The following DAB1 variants were observed in gnomAD, a reference collection of about 807,000 sequenced individuals.
DAB1 encodes disabled homolog 1.
A neutral mutation model predicts 64.6 loss-of-function variants in DAB1; 15 were observed. That is an observed-to-expected ratio of 0.23 (90% CI 0.16 to 0.36). The LOEUF (loss-of-function observed/expected upper bound fraction) is 0.36, where lower values mean the gene tolerates loss of function less well. Among genes scored for constraint, DAB1 ranks in the 10% least tolerant of loss-of-function variants. The pLI, the probability that DAB1 is intolerant of heterozygous loss-of-function variation, is 1.00. For missense variants in DAB1, 596 were observed against 706.7 expected (o/e 0.84, Z 1.78); for synonymous variants, 235 against 251.9 (o/e 0.93, Z 0.64).
intron 6 of DAB1, among the ~76,000 whole-genome samples, chr1:57,695,294 GAGAAGGAAAGAAAGAAAGAA>G (rs1416957488): frequency 0.011 from 569 of 52,112 alleles, 51 homozygotes; most frequent in African/African-American, 0.037. Context: ...GAAAGGGAGA[GAGAAGGAAAGAAAGAAAGAA>G]AGAAAGAAAG....
At chr1:58,187,077 T>A (rs1040232192) in intron 4 of DAB1, among the ~76,000 whole-genome samples, 1 of 152,152 alleles carries the variant, frequency 6.6e-6, no homozygotes, top group Admixed American at 6.5e-5. Flanking sequence ...CCCAACTTCA[T>A]GGATTATTAG....
chr1:57,461,031 T>A (rs1158537755), intron 7 of DAB1, among the ~76,000 whole-genome samples: 1 of 152,214 alleles, frequency 6.6e-6, no homozygotes, highest in Non-Finnish European at 1.5e-5. Flanking sequence ...TAGCTATTTA[T>A]CCTGATGCTC....
At position 57,970,117 on chromosome 1, in the gene DAB1, T is replaced by A. The variant is rs560016324; in HGVS notation, n.388-85955A>T. Among the ~76,000 whole-genome samples, 72 of 152,242 alleles carry A rather than the reference T, an allele frequency of 4.7e-4. No individual in the cohort carries two copies. The Middle Eastern group carries it at 0.017, about 36-fold the overall frequency. ...GAAAGAGTTCTCACCAGACATCAAA[T>A]CAGATGGTGCCTTGATCTTGGACTT... On this transcript the variant is annotated intron_variant and non_coding_transcript_variant, in intron 5 of 20. Transcript: ENST00000485760.
chr1:57,949,043 T>C (rs1202788), intron 5 of DAB1, among the ~76,000 whole-genome samples: 88,254 of 152,028 alleles, frequency 0.58, 26,447 homozygotes, highest in African/African-American at 0.71. Flanking sequence ...ATGCTCCTCC[T>C]TTAACCTGTG....
At chr1:58,207,784 T>C (rs72908486) in intron 4 of DAB1, among the ~76,000 whole-genome samples, 2,584 of 152,142 alleles carry the variant, frequency 0.017, 66 homozygotes, top group African/African-American at 0.059. Context: ...TGAAAAGACA[T>C]ATTTCATGAA....
chr1:57,927,115 T>G (rs943462001), intron 5 of DAB1, among the ~76,000 whole-genome samples: 6 of 152,230 alleles, frequency 3.9e-5, no homozygotes, highest in Non-Finnish European at 5.9e-5. Context: ...TGGTTGATGA[T>G]GACCACCTTA....
chr1:57,161,458 C>T (rs1382716423), intron 2 of DAB1, among the ~76,000 whole-genome samples: 1 of 152,154 alleles, frequency 6.6e-6, no homozygotes, highest in African/African-American at 2.4e-5. Context: ...GGCAGCCTCA[C>T]TACCACCAGA....
At chr1:57,823,640 T>G (rs1033422800), downstream of DAB1, among the ~76,000 whole-genome samples, 5 of 152,122 alleles carry the variant, frequency 3.3e-5, no homozygotes, top group African/African-American at 1.2e-4. Context: ...GACTGTCTGG[T>G]GCAAAGTATT....
chr1:57,947,035 A>T (rs902802753), intron 5 of DAB1, among the ~76,000 whole-genome samples: 1 of 152,162 alleles, frequency 6.6e-6, no homozygotes, highest in Non-Finnish European at 1.5e-5. Context: ...CTGATTACTG[A>T]GCACCTTCCA....
rs141377046 is a variant in DAB1 at position 58,089,290 on chromosome 1, C to T, written n.387+61221G>A. Among the ~76,000 whole-genome samples the T allele has an allele frequency of 1.6e-4, 24 of 152,362 alleles. No homozygotes were observed. In the East Asian group the frequency reaches 3.9e-3, roughly 25 times the overall value. The stretch of plus-strand genomic sequence containing the variant: ...ACATAGAGCTATCACAGCTGCCTTG[C>T]GGCATTGTTGCAAGGGTTAAATGAG... On this transcript the variant is annotated intron_variant and non_coding_transcript_variant, in intron 5 of 20. Coordinates refer to the DAB1 transcript ENST00000485760.
chr1:57,336,115 A>T (rs1677057790), intron 1 of DAB1, among the ~76,000 whole-genome samples: 2 of 152,198 alleles, frequency 1.3e-5, no homozygotes, highest in Admixed American at 1.3e-4. Context: ...TTGGTTAAAC[A>T]TCATTGCCCA....
intron 3 of DAB1, among the ~76,000 whole-genome samples, chr1:58,447,058 T>C (rs1645075667): frequency 6.6e-6 from 1 of 152,230 alleles, no homozygotes; most frequent in South Asian, 2.1e-4. Context: ...ATTGCTTTTA[T>C]CTTACTAGCT....
chr1:58,154,447 C>G (rs1482205487), intron 4 of DAB1, among the ~76,000 whole-genome samples: 10 of 141,474 alleles, frequency 7.1e-5, no homozygotes. Context: ...CTGTGTCATG[C>G]AGTTCTTCAT....
chr1:57,577,505 T>A (rs1645264203), intron 7 of DAB1, among the ~76,000 whole-genome samples: 1 of 152,120 alleles, frequency 6.6e-6, no homozygotes, highest in African/African-American at 2.4e-5. Context: ...ACACTAAAAA[T>A]TCATTTTATC....
chr1:57,229,342 G>A (rs552986630), intron 2 of DAB1, among the ~76,000 whole-genome samples: 19 of 151,930 alleles, frequency 1.3e-4, no homozygotes, highest in Admixed American at 8.5e-4. Flanking sequence ...CTATAGGTGT[G>A]CACCACTATG....
At chr1:57,336,464 C>G (rs576600193) in intron 1 of DAB1, among the ~76,000 whole-genome samples, 52 of 152,244 alleles carry the variant, frequency 3.4e-4, no homozygotes, top group African/African-American at 1.2e-3. Flanking sequence ...CTAATGTTAC[C>G]AGGAGATTCT....
At chr1:57,708,719 C>T (rs375380296) in intron 6 of DAB1, among the ~76,000 whole-genome samples, 5 of 152,090 alleles carry the variant, frequency 3.3e-5, no homozygotes, top group South Asian at 2.1e-4. Flanking sequence ...CACTGTGATA[C>T]GACAGTACCG....
chr1:58,295,004 T>G (rs1236206431), intron 4 of DAB1, among the ~76,000 whole-genome samples: 1 of 152,018 alleles, frequency 6.6e-6, no homozygotes, highest in African/African-American at 2.4e-5. Context: ...TCTTAGTCAT[T>G]AGCAAAGCAC....
intron 5 of DAB1, among the ~76,000 whole-genome samples, chr1:57,928,213 AG>A (rs1404982387): frequency 6.6e-6 from 1 of 152,144 alleles, no homozygotes; most frequent in Non-Finnish European, 1.5e-5. Context: ...CAGCCCAAAA[AG>A]TTCCTCAAGC....
Sources: allele counts gnomAD v4.1 joint callset (sites outside exome capture counted in the v4.1 genomes callset), GRCh38; gene constraint gnomAD v4.1.1; transcripts MANE v1.5; gene names NCBI Gene and HGNC (gene_info 2026-07-23, HGNC 2026-07-21).